SUMF1: variants seen among roughly 807,000 people sequenced by gnomAD.
SUMF1 encodes sulfatase modifying factor 1.
SUMF1 carries 48 observed loss-of-function variants against 47.6 expected under a neutral mutation model. The observed-to-expected ratio is 1.01, with a 90% CI of 0.80 to 1.28. SUMF1 has a LOEUF of 1.28. Ranked by LOEUF, SUMF1 falls within the 50% of genes most tolerant of loss-of-function variation. The pLI, the probability that SUMF1 is intolerant of heterozygous loss-of-function variation, is 0.00. For synonymous variants in SUMF1, 230 were observed against 192.1 expected (o/e 1.20, Z -1.63); for missense variants, 571 against 485.4 (o/e 1.18, Z -1.66).
intron 8 of SUMF1, among the ~76,000 whole-genome samples, chr3:4,133,147 G>C (rs1367269830): frequency 6.6e-6 from 1 of 152,070 alleles, no homozygotes; most frequent in East Asian, 1.9e-4. Flanking sequence ...TTAAAAACAT[G>C]TTTGTGCATG....
At chr3:4,106,647 G>A (rs1223121682) in intron 8 of SUMF1, among the ~76,000 whole-genome samples, 6 of 152,168 alleles carry the variant, frequency 3.9e-5, no homozygotes, top group Non-Finnish European at 7.4e-5. Context: ...AGTAGAAGCC[G>A]AATAATCCAC....
intron 8 of SUMF1, among the ~76,000 whole-genome samples, chr3:4,364,974 C>T (rs1244953046): frequency 6.6e-6 from 1 of 151,968 alleles, no homozygotes; most frequent in African/African-American, 2.4e-5. Flanking sequence ...GCCTTCATTT[C>T]ATTATGTACC....
chr3:4,419,998 G>A, intron 4 of SUMF1, 66 bp downstream of exon 4: 1 of 1,366,626 alleles, frequency 7.3e-7, no homozygotes, highest in East Asian at 2.3e-5. Flanking sequence ...GAGTTCTTTT[G>A]CAAGAGCAAA....
At chr3:4,303,995 T>C in intron 8 of SUMF1, 1 of 514,768 alleles carries the variant, frequency 1.9e-6, no homozygotes, top group Non-Finnish European at 3.0e-6. Context: ...AAATTAGCTG[T>C]GGCTCAGCCT....
At position 4,049,811 on chromosome 3, in the gene SUMF1, T is replaced by A. The variant is rs372309579; in HGVS notation, c.1191+18758A>T. Reference sequence around the variant, plus strand: ...TCTGTACCCAAGCTCTCGTCCAACATCCCAGAAGAGTCAGGTCACATACAG... The same window carrying A: ...TCTGTACCCAAGCTCTCGTCCAACAACCCAGAAGAGTCAGGTCACATACAG... On this transcript the variant is annotated intron_variant and NMD_transcript_variant, in intron 9 of 12. Transcript: ENST00000448413. Among the ~76,000 whole-genome samples, 9 of 152,166 alleles carry A rather than the reference T, an allele frequency of 5.9e-5. 1 individual carries two copies. Among genetic ancestry groups the A allele is most frequent in the East Asian group, 1.9e-4 (1 of 5,166 alleles).
intron 8 of SUMF1, among the ~76,000 whole-genome samples, chr3:4,174,986 C>A (rs1001592840): frequency 2.0e-5 from 3 of 152,162 alleles, no homozygotes; most frequent in Non-Finnish European, 2.9e-5. Context: ...GGGGGAGGGG[C>A]GTCTGCCATT....
At chr3:4,160,235 T>G (rs895449148) in intron 8 of SUMF1, among the ~76,000 whole-genome samples, 1 of 152,054 alleles carries the variant, frequency 6.6e-6, no homozygotes, top group African/African-American at 2.4e-5. Context: ...ATAGGCATGC[T>G]CTATTCTTTT....
At chr3:4,042,523 G>A (rs1003837410) in intron 9 of SUMF1, among the ~76,000 whole-genome samples, 1 of 152,106 alleles carries the variant, frequency 6.6e-6, no homozygotes, top group African/African-American at 2.4e-5. Context: ...CCCAGCAATT[G>A]CCTGTCCAAT....
intron 8 of SUMF1, among the ~76,000 whole-genome samples, chr3:4,151,886 A>G (rs1174524726): frequency 6.6e-6 from 1 of 151,476 alleles, no homozygotes; most frequent in Non-Finnish European, 1.5e-5. Flanking sequence ...TGACCTTCCC[A>G]TGTAAGCATG....
chr3:4,070,576 C>A (rs560901459), intron 8 of SUMF1, among the ~76,000 whole-genome samples: 9 of 152,224 alleles, frequency 5.9e-5, no homozygotes, highest in South Asian at 2.1e-4. Context: ...AAAACGATGA[C>A]ATAGAAGAAA....
chr3:4,164,251 G>C (rs1694648166), intron 8 of SUMF1, among the ~76,000 whole-genome samples: 1 of 152,148 alleles, frequency 6.6e-6, no homozygotes, highest in Non-Finnish European at 1.5e-5. Flanking sequence ...TGGACCTTGA[G>C]GACAGCTGTC....
At chr3:4,045,974 C>CT (rs1694998903) in intron 9 of SUMF1, among the ~76,000 whole-genome samples, 1 of 152,212 alleles carries the variant, frequency 6.6e-6, no homozygotes, top group African/African-American at 2.4e-5. Flanking sequence ...TTGCTTGAGG[C>CT]CAAGAGTCTG....
At chr3:4,374,916 C>T (rs571187135) in intron 8 of SUMF1, among the ~76,000 whole-genome samples, 1 of 152,144 alleles carries the variant, frequency 6.6e-6, no homozygotes, top group South Asian at 2.1e-4. Context: ...AATCCCAACA[C>T]TTTGGGAAGC....
chr3:4,251,337 G>C (rs1419224047), intron 8 of SUMF1, among the ~76,000 whole-genome samples: 1 of 152,168 alleles, frequency 6.6e-6, no homozygotes, highest in African/African-American at 2.4e-5. Context: ...TGCTTCTTAT[G>C]GATGAGTGAA....
intron 8 of SUMF1, among the ~76,000 whole-genome samples, chr3:4,342,990 G>A (rs1699302216): frequency 6.6e-6 from 1 of 152,256 alleles, no homozygotes; most frequent in South Asian, 2.1e-4. Context: ...CTCAGGGGAT[G>A]TGAATGGGGA....
intron 8 of SUMF1, among the ~76,000 whole-genome samples, chr3:4,353,512 A>G (rs888883536): frequency 6.6e-6 from 1 of 152,194 alleles, no homozygotes; most frequent in Non-Finnish European, 1.5e-5. Flanking sequence ...TCGGCCTCCC[A>G]AAGTGCCGGG....
intron 3 of SUMF1, among the ~76,000 whole-genome samples, chr3:4,440,925 A>G (rs1251883323): frequency 3.9e-5 from 6 of 152,214 alleles, no homozygotes; most frequent in Non-Finnish European, 8.8e-5. Context: ...TTAATAACAC[A>G]ATTATGAAAT....
chr3:4,382,702 A>C (rs1700544986), intron 7 of SUMF1, among the ~76,000 whole-genome samples: 1 of 152,218 alleles, frequency 6.6e-6, no homozygotes, highest in Non-Finnish European at 1.5e-5. Context: ...TGGATAAAGA[A>C]AATGTGGCAC....
At chr3:4,428,500 C>T (rs997846377) in intron 3 of SUMF1, among the ~76,000 whole-genome samples, 118 of 152,164 alleles carry the variant, frequency 7.8e-4, no homozygotes, top group Middle Eastern at 3.4e-3. Context: ...ACTACAGGCA[C>T]ATGCCACCAC....
Sources: allele counts gnomAD v4.1 joint callset (sites outside exome capture counted in the v4.1 genomes callset), GRCh38; gene constraint gnomAD v4.1.1; transcripts MANE v1.5; gene names NCBI Gene and HGNC (gene_info 2026-07-23, HGNC 2026-07-21).